The following SLC15A2 variants were observed in gnomAD, a reference collection of about 807,000 sequenced individuals.
SLC15A2 encodes solute carrier family 15 member 2.
A neutral mutation model predicts 95.5 loss-of-function variants in SLC15A2; 77 were observed. The observed-to-expected ratio is 0.81, with a 90% confidence interval of 0.67 to 0.97. The LOEUF is 0.97. SLC15A2 is among the 50% of genes least tolerant of loss of function. The probability of loss-of-function intolerance (pLI) is 0.00; values close to 1 mark genes in which losing one functional copy is unlikely to be tolerated. For missense variants in SLC15A2, 893 were observed against 874.4 expected (o/e 1.02, Z -0.27); for synonymous variants, 306 against 306.9 (o/e 1.00, Z 0.03).
At position 121,944,102 on chromosome 3, in the gene SLC15A2, A is replaced by G. The variant is rs1710508661; in HGVS notation, c.*3095A>G. The G allele has an allele frequency of 1.3e-5, 2 of 152,276 alleles. No homozygotes were observed. The highest frequency in any genetic ancestry group is 1.5e-5 in the Non-Finnish European group (1 of 68,052). The allele number at this position is 152,276 out of a possible 1,614,324, so 9.4% of individuals were successfully genotyped here. A position where few individuals can be genotyped will look rare whatever the true frequency, so the allele number is the denominator to read the frequency against. ...AGTATTATAATCTAATGGGACCACC[A>G]TCACATATTTGGTCTGTCATTGACT... On this transcript the variant is annotated 3_prime_UTR_variant, in exon 22 of 22. Coordinates refer to ENST00000489711, the MANE Select transcript of SLC15A2 (RefSeq NM_021082.4).
rs754746384 is a variant in SLC15A2, at chr3:121,925,002, C to T, written c.1093C>T (p.Arg365Cys). The T allele has an allele frequency of 1.2e-6, 2 of 1,613,014 alleles. No individual in the cohort carries two copies. Among genetic ancestry groups the T allele is most frequent in the East Asian group, 2.2e-5 (1 of 44,872 alleles). ...CCCGTTGTTTGACTTTGTCATTTATCGTCTGGTCTCCAAGTGTGGAATTAA... is the reference window on the plus strand; with the variant it reads ...CCCGTTGTTTGACTTTGTCATTTATTGTCTGGTCTCCAAGTGTGGAATTAA... ...FIPLFDFVIY[R>C]LVSKCGINFS... is the part of the protein sequence containing the mutation. Residue 365 changes from arginine (R) to cysteine (C), a missense_variant, in exon 13 of 22, where the codon CGT becomes TGT. Coordinates refer to ENST00000489711, the MANE Select transcript of SLC15A2 (RefSeq NM_021082.4).
At chr3:121,907,155 TG>T (rs1434156497) in intron 3 of SLC15A2, among the ~76,000 whole-genome samples, 2 of 152,356 alleles carry the variant, frequency 1.3e-5, no homozygotes, top group Admixed American at 6.5e-5. Flanking sequence ...TATTGAAGCT[TG>T]TGCATGCATC....
chr3:121,918,503 A>G (rs565264299), intron 7 of SLC15A2, among the ~76,000 whole-genome samples: 5 of 152,286 alleles, frequency 3.3e-5, no homozygotes, highest in Non-Finnish European at 5.9e-5. Context: ...AGTCATTAGT[A>G]TATGGGTAGC....
rs1710456374 is a variant in SLC15A2 at position 121,941,096 on chromosome 3, A to C, written c.*89A>C. 2 of 1,152,132 alleles carry C rather than the reference A, an allele frequency of 1.7e-6. No individual in the cohort carries two copies. The highest frequency in any genetic ancestry group is 2.4e-6 in the Non-Finnish European group (2 of 816,960). 71.4% of individuals were successfully genotyped at this position (1,152,132 alleles called of 1,614,324 possible). A position where few individuals can be genotyped will look rare whatever the true frequency, so the allele number is the denominator to read the frequency against. ...TACTGGATTAGACAAGAGAGATAGCAGCATATCAGAGCTGATCTCCTCCAC... is the reference window on the plus strand; with the variant it reads ...TACTGGATTAGACAAGAGAGATAGCCGCATATCAGAGCTGATCTCCTCCAC... On this transcript the variant is annotated 3_prime_UTR_variant, in exon 22 of 22. Transcript: ENST00000489711.
chr3:121,903,447 A>T (rs1227814010), intron 3 of SLC15A2, among the ~76,000 whole-genome samples: 2 of 152,100 alleles, frequency 1.3e-5, no homozygotes, highest in Admixed American at 6.6e-5. Context: ...CTGAATGGTA[A>T]TGTCTAGGTT....
At chr3:121,908,367 G>T (rs1709697488) in intron 3 of SLC15A2, among the ~76,000 whole-genome samples, 1 of 152,176 alleles carries the variant, frequency 6.6e-6, no homozygotes, top group Non-Finnish European at 1.5e-5. Flanking sequence ...CCCTGCTTCA[G>T]CTCGCCCTCT....
chr3:121,897,660 G>A (rs1709444705), intron 3 of SLC15A2, 131 bp downstream of exon 3: 8 of 807,926 alleles, frequency 9.9e-6, no homozygotes, highest in Non-Finnish European at 1.5e-5. Flanking sequence ...CTGTACATCT[G>A]TGTAGTGTGG....
At chr3:121,931,503 AT>A (rs1666352990) in intron 18 of SLC15A2, 135 bp from the exon 19 acceptor site, 1 of 572,150 alleles carries the variant, frequency 1.7e-6, no homozygotes, top group South Asian at 2.5e-5. Flanking sequence ...TCCAAGAAAC[AT>A]TTCTCTTCAA....
intron 3 of SLC15A2, among the ~76,000 whole-genome samples, chr3:121,908,820 G>T (rs1709706313): frequency 6.6e-6 from 1 of 151,948 alleles, no homozygotes; most frequent in African/African-American, 2.4e-5. Flanking sequence ...AAAACCAAAG[G>T]AATGCTGGAT....
At chr3:121,900,842 CATTTACTA>C (rs1709506540) in intron 3 of SLC15A2, among the ~76,000 whole-genome samples, 2 of 151,930 alleles carry the variant, frequency 1.3e-5, no homozygotes, top group South Asian at 4.2e-4. Context: ...CCTTATATGA[CATTTACTA>C]AACTCTATCT....
intron 18 of SLC15A2, 55 bp from the exon 19 acceptor site, chr3:121,931,584 G>A: frequency 9.0e-7 from 1 of 1,116,810 alleles, no homozygotes; most frequent in Admixed American, 1.7e-5. Flanking sequence ...CCTGGAGATG[G>A]GAATGCTTTT....
chr3:121,896,794 C>A (rs1167414420), intron 2 of SLC15A2, among the ~76,000 whole-genome samples: 2 of 150,186 alleles, frequency 1.3e-5, no homozygotes, highest in African/African-American at 4.9e-5. Context: ...GAGGCTGAAG[C>A]AGGAGGATTG....
At chr3:121,914,038 G>GTCC (rs1414430784) in intron 5 of SLC15A2, among the ~76,000 whole-genome samples, 1 of 148,604 alleles carries the variant, frequency 6.7e-6, no homozygotes, top group African/African-American at 2.5e-5. Context: ...CTGCTATCCT[G>GTCC]TCCTGTCTTC....
At chr3:121,900,337 C>G (rs1709497859) in intron 3 of SLC15A2, among the ~76,000 whole-genome samples, 1 of 152,170 alleles carries the variant, frequency 6.6e-6, no homozygotes, top group Non-Finnish European at 1.5e-5. Flanking sequence ...GTTGCCATCA[C>G]CCAGTTTTGG....
rs372532662 is a variant in SLC15A2 at position 121,929,344 on chromosome 3, G to A, written c.1549G>A (p.Val517Met). 53 of 1,613,686 alleles carry A rather than the reference G, an allele frequency of 3.3e-5. 1 individual carries two copies. In the South Asian group the frequency reaches 3.8e-4, roughly 12 times the overall value. ...CAGAACAACCAATGGGATGACAACC[G>A]TGAGGTTTGAATGTCAATGAGATTC... ...ESRTTNGMTT[V>M]RFVNTLHKDV... Residue 517 changes from valine to methionine, a missense_variant, in exon 17 of 22, where the codon GTG (valine) becomes ATG (methionine). Physicochemically the swap from Val to Met is conservative, Grantham distance 21 (BLOSUM62 1). Transcript: ENST00000489711.
chr3:121,896,376 T>C (rs1444565492), intron 1 of SLC15A2, 30 bp from the exon 2 acceptor site: 8 of 1,547,528 alleles, frequency 5.2e-6, no homozygotes, highest in Non-Finnish European at 7.1e-6. Flanking sequence ...AAACAGCTCA[T>C]GCTTGAATCA....
Position 121,931,675 on chromosome 3 carries a change from C to A in SLC15A2, c.1701C>A (p.Asn567Lys). ...TGCACTGTAGAACAGAAGATAAGAA[C>A]TTTTCTCTGAATTTGGGTCTTCTAG... ...PAVHCRTEDK[N>K]FSLNLGLLDF... Residue 567 changes from asparagine to lysine, a missense_variant, in exon 19 of 22, where the codon AAC (asparagine) becomes AAA (lysine). Coordinates refer to ENST00000489711, the MANE Select transcript of SLC15A2 (RefSeq NM_021082.4). 6.2e-7 allele frequency: 1 copy of A among 1,613,588 alleles called. No homozygotes were observed.
At position 121,942,171 on chromosome 3, in the gene SLC15A2, T is replaced by C. The variant is rs933753378; in HGVS notation, c.*1164T>C. On this transcript the variant is annotated 3_prime_UTR_variant, in exon 22 of 22. Transcript: ENST00000489711. The stretch of plus-strand genomic sequence containing the variant: ...AAATGTCAATAGAGGAGCATGGTCC[T>C]ATGTGAGGTTCCTATCAAAATTTGT... 1 of 152,222 alleles carries C rather than the reference T, an allele frequency of 6.6e-6. No homozygotes were observed. Among genetic ancestry groups the C allele is most frequent in the African/African-American group, 2.4e-5 (1 of 41,462 alleles). The allele number at this position is 152,222 out of a possible 1,614,324, so 9.4% of individuals were successfully genotyped here. A position where few individuals can be genotyped will look rare whatever the true frequency, so the allele number is the denominator to read the frequency against.
chr3:121,896,312 T>G (rs757860824), intron 1 of SLC15A2, 94 bp from the exon 2 acceptor site: 4 of 987,032 alleles, frequency 4.1e-6, no homozygotes, highest in Non-Finnish European at 6.5e-6. Flanking sequence ...CCAAGATGAT[T>G]TGAAATAAAT....
Sources: gnomAD v4.1 joint callset for allele counts (sites outside exome capture counted in the v4.1 genomes callset) on GRCh38, gnomAD v4.1.1 for gene constraint, MANE v1.5 for transcripts, NCBI Gene and HGNC (gene_info 2026-07-23, HGNC 2026-07-21) for gene names.